ZNF831: variants seen among roughly 807,000 people sequenced by gnomAD.
ZNF831 encodes zinc finger protein 831, also known as chromosome 20 open reading frame 174.
A neutral mutation model predicts 95.8 loss-of-function variants in ZNF831; 59 were observed. The observed-to-expected ratio is 0.62, with a 90% CI of 0.50 to 0.77. The LOEUF is 0.77. Among genes scored for constraint, ZNF831 ranks in the 30% least tolerant of loss-of-function variants. The probability of loss-of-function intolerance (pLI) is 0.00; values close to 1 mark genes in which losing one functional copy is unlikely to be tolerated. For synonymous variants in ZNF831, 961 were observed against 925.5 expected, an observed-to-expected ratio of 1.04 and a Z score of -0.70; for missense variants, 2,205 against 2,164.0, an observed-to-expected ratio of 1.02 and a Z score of -0.38.
intron 2 of ZNF831, among the ~76,000 whole-genome samples, chr20:59,157,102 T>C (rs1292276732): frequency 6.6e-6 from 1 of 152,178 alleles, no homozygotes; most frequent in Non-Finnish European, 1.5e-5. Flanking sequence ...CTTTTAATTT[T>C]TAAATGTGCT....
intron 4 of ZNF831, among the ~76,000 whole-genome samples, chr20:59,243,557 T>A (rs1440155069): frequency 2.0e-5 from 3 of 152,180 alleles, no homozygotes; most frequent in East Asian, 3.9e-4. Context: ...CTCAAAATGT[T>A]TTCCCAAGGA....
intron 1 of ZNF831, among the ~76,000 whole-genome samples, chr20:59,138,970 C>T (rs260020): frequency 0.2 from 30,101 of 151,936 alleles, 3,742 homozygotes; most frequent in African/African-American, 0.36. Flanking sequence ...AGGTCCTCTC[C>T]GTCCATTTCC....
At chr20:59,136,831 G>A (rs79328254) in intron 1 of ZNF831, among the ~76,000 whole-genome samples, 13,860 of 152,186 alleles carry the variant, frequency 0.091, 731 homozygotes, top group Non-Finnish European at 0.12. Context: ...GTGGTTACCC[G>A]GAATAGAAAT....
At chr20:59,137,633 C>A (rs1474604956) in intron 1 of ZNF831, among the ~76,000 whole-genome samples, 1 of 152,198 alleles carries the variant, frequency 6.6e-6, no homozygotes, top group Admixed American at 6.5e-5. Flanking sequence ...AGTCAACCTG[C>A]AGTTTTTAAC....
intron 4 of ZNF831, among the ~76,000 whole-genome samples, chr20:59,249,319 G>A (rs975257826): frequency 2.0e-5 from 3 of 151,922 alleles, no homozygotes; most frequent in African/African-American, 7.3e-5. Flanking sequence ...TTTCTCATTA[G>A]TGTCTGGAAT....
chr20:59,129,329 A>G (rs528907719), intron 1 of ZNF831, among the ~76,000 whole-genome samples: 7 of 151,654 alleles, frequency 4.6e-5, no homozygotes, highest in East Asian at 3.9e-4. Flanking sequence ...CCCAACGCTA[A>G]CAAGACACAG....
intron 2 of ZNF831, among the ~76,000 whole-genome samples, chr20:59,149,462 G>A (rs1267841253): frequency 6.6e-6 from 1 of 152,192 alleles, no homozygotes; most frequent in African/African-American, 2.4e-5. Flanking sequence ...GGAAGAAACG[G>A]AGTCTTATAC....
At chr20:59,228,201 G>A (rs976555160) in intron 4 of ZNF831, among the ~76,000 whole-genome samples, 3 of 152,082 alleles carry the variant, frequency 2.0e-5, no homozygotes, top group Non-Finnish European at 2.9e-5. Context: ...TCAGTGTCTC[G>A]TGGCAACATG....
intron 1 of ZNF831, among the ~76,000 whole-genome samples, chr20:59,125,737 A>G (rs1261617169): frequency 6.6e-6 from 1 of 152,182 alleles, no homozygotes; most frequent in Non-Finnish European, 1.5e-5. Context: ...AGAGTTGTTT[A>G]TTAGTTTCTG....
In ZNF831 at chr20:59,193,318, C is replaced by A. The variant is rs1489852492; in HGVS notation, c.2299C>A (p.Pro767Thr). 4 of 1,612,806 alleles carry A rather than the reference C, an allele frequency of 2.5e-6. No individual in the cohort carries two copies. Among genetic ancestry groups the A allele is most frequent in the Admixed American group, 3.3e-5 (2 of 59,890 alleles). Reference protein sequence around the residue: ...LGWQMPPAPGPLKGGDVEAPR... With the variant: ...LGWQMPPAPGTLKGGDVEAPR... The stretch of plus-strand genomic sequence containing the variant: ...GTGGCAGATGCCCCCAGCACCTGGC[C>A]CCCTCAAAGGGGGTGATGTAGAGGC... The change falls in exon 2 of 6, where the codon CCC becomes ACC. Residue 767 changes from proline (P) to threonine (T), a missense_variant. Pro to Thr is a conservative substitution (Grantham distance 38). Coordinates refer to ENST00000371030, the MANE Select transcript of ZNF831 (RefSeq NM_178457.3).
At chr20:59,215,019 C>T (rs532546645) in intron 4 of ZNF831, among the ~76,000 whole-genome samples, 7 of 152,264 alleles carry the variant, frequency 4.6e-5, no homozygotes, top group African/African-American at 9.6e-5. Context: ...TCTTTCTAGC[C>T]GATGACATAT....
rs532040506 is a variant in ZNF831 at position 59,190,923 on chromosome 20, A to G, written c.-36-61A>G. ...TGAAGTGCTTGGTGCAGGGTAGGCA[A>G]GATTTACTGCATGAGGAGAGAGGAG... On this transcript the variant is annotated intron_variant, in intron 1 of 5. Coordinates refer to ENST00000371030, the MANE Select transcript of ZNF831 (RefSeq NM_178457.3). 2.8e-5 allele frequency: 39 copies of G among 1,411,690 alleles called. 1 individual carries two copies. The African/African-American group carries it at 4.8e-4, about 17-fold the overall frequency. The allele number at this position is 1,411,690 out of a possible 1,614,324, so 87.4% of individuals were successfully genotyped here. A position where few individuals can be genotyped will look rare whatever the true frequency, so the allele number is the denominator to read the frequency against.
chr20:59,145,500 G>C (rs1979817560), intron 1 of ZNF831, among the ~76,000 whole-genome samples: 1 of 152,190 alleles, frequency 6.6e-6, no homozygotes, highest in Non-Finnish European at 1.5e-5. Context: ...TTGACCACAA[G>C]ACCTCTTTTC....
chr20:59,244,934 C>A (rs1189268725), intron 4 of ZNF831, among the ~76,000 whole-genome samples: 2 of 152,220 alleles, frequency 1.3e-5, no homozygotes, highest in Non-Finnish European at 2.9e-5. Flanking sequence ...AGTACACATT[C>A]TTGCCTGATT....
intron 1 of ZNF831, among the ~76,000 whole-genome samples, chr20:59,170,369 C>T (rs893829384): frequency 6.6e-6 from 1 of 152,118 alleles, no homozygotes; most frequent in Admixed American, 6.5e-5. Flanking sequence ...TTTGATTACC[C>T]TGGGGGCTTC....
At chr20:59,164,856 C>T (rs764574002) in intron 1 of ZNF831, among the ~76,000 whole-genome samples, 1 of 152,112 alleles carries the variant, frequency 6.6e-6, no homozygotes, top group Non-Finnish European at 1.5e-5. Flanking sequence ...TCTCCTTTCC[C>T]GTAGCAAATC....
chr20:59,259,078 A>G lies in ZNF831; in HGVS notation c.*4335A>G, dbSNP rs1232687755. 1 of 142,978 alleles carries G rather than the reference A, an allele frequency of 7.0e-6. No homozygotes were observed. Among genetic ancestry groups the G allele is most frequent in the Non-Finnish European group, 1.5e-5 (1 of 67,962 alleles). 8.9% of individuals were successfully genotyped at this position (142,978 alleles called of 1,614,324 possible). On this transcript the variant is annotated 3_prime_UTR_variant, in exon 6 of 6. Coordinates refer to ENST00000371030, the MANE Select transcript of ZNF831 (RefSeq NM_178457.3). The stretch of plus-strand genomic sequence containing the variant: ...CTTTCTTTCTTTATATGGTTAAATT[A>G]TTTTGTTTTGATAAAAATAAAACTT...
At chr20:59,131,642 A>G (rs1360954552) in intron 1 of ZNF831, among the ~76,000 whole-genome samples, 2 of 152,112 alleles carry the variant, frequency 1.3e-5, no homozygotes, top group Non-Finnish European at 2.9e-5. Flanking sequence ...CGGGATCCTT[A>G]AGGAGTGGCC....
At chr20:59,246,368 A>T (rs1987610572) in intron 4 of ZNF831, among the ~76,000 whole-genome samples, 1 of 152,220 alleles carries the variant, frequency 6.6e-6, no homozygotes, top group South Asian at 2.1e-4. Context: ...TTGAGGAAAG[A>T]TGAGAAGCTG....
Sources: gnomAD v4.1 joint callset for allele counts (sites outside exome capture counted in the v4.1 genomes callset) on GRCh38, gnomAD v4.1.1 for gene constraint, MANE v1.5 for transcripts, NCBI Gene and HGNC (gene_info 2026-07-23, HGNC 2026-07-21) for gene names.